OPCML: variants seen among roughly 807,000 people sequenced by gnomAD.
OPCML encodes the protein opioid binding protein/cell adhesion molecule like.
In OPCML, 13 loss-of-function variants were observed where a neutral mutation model predicts 37.8. That is an observed-to-expected ratio of 0.34 (90% CI 0.22 to 0.55). The LOEUF is 0.55. Among genes scored for constraint, OPCML ranks in the 20% least tolerant of loss-of-function variants. OPCML has a pLI of 0.91. For missense variants in OPCML, 341 were observed against 435.6 expected (o/e 0.78, Z 1.93); for synonymous variants, 176 against 168.8 (o/e 1.04, Z -0.33).
intron 2 of OPCML, among the ~76,000 whole-genome samples, chr11:132,729,570 G>A (rs1300249798): frequency 1.3e-5 from 2 of 152,140 alleles, no homozygotes; most frequent in Non-Finnish European, 2.9e-5. Flanking sequence ...GCTCATCCAA[G>A]GTTCAGCAGC....
chr11:133,445,912 G>T (rs1331632325), intron 1 of OPCML, among the ~76,000 whole-genome samples: 1 of 151,920 alleles, frequency 6.6e-6, no homozygotes, highest in Admixed American at 6.6e-5. Context: ...AAGGAAGGGG[G>T]GGCTGCCAAG....
intron 1 of OPCML, among the ~76,000 whole-genome samples, chr11:133,501,159 G>T (rs768746918): frequency 6.6e-6 from 1 of 152,142 alleles, no homozygotes; most frequent in Admixed American, 6.5e-5. Flanking sequence ...AGGGATCACC[G>T]CAAACAGAAC....
At chr11:133,285,652 C>T (rs1942275418) in intron 1 of OPCML, among the ~76,000 whole-genome samples, 1 of 152,166 alleles carries the variant, frequency 6.6e-6, no homozygotes, top group Non-Finnish European at 1.5e-5. Flanking sequence ...GACAATGCTG[C>T]TCATTAACAT....
At chr11:132,738,035 C>A (rs954897893) in intron 2 of OPCML, among the ~76,000 whole-genome samples, 4 of 152,148 alleles carry the variant, frequency 2.6e-5, no homozygotes, top group African/African-American at 9.7e-5. Flanking sequence ...ACTTAGCTCT[C>A]CCCCTGTAGG....
chr11:132,977,779 A>G (rs994058291), intron 1 of OPCML, among the ~76,000 whole-genome samples: 102 of 152,242 alleles, frequency 6.7e-4, no homozygotes, highest in African/African-American at 2.3e-3. Context: ...TCCAAAAAGT[A>G]TTTATTAAAA....
At chr11:133,159,593 C>A (rs957587439) in intron 1 of OPCML, among the ~76,000 whole-genome samples, 1 of 152,188 alleles carries the variant, frequency 6.6e-6, no homozygotes, top group South Asian at 2.1e-4. Flanking sequence ...GCAAGTCATG[C>A]GGCCAATCTT....
intron 1 of OPCML, among the ~76,000 whole-genome samples, chr11:133,257,417 G>A (rs1477994515): frequency 6.6e-6 from 1 of 152,146 alleles, no homozygotes; most frequent in East Asian, 1.9e-4. Flanking sequence ...CATAGAACAT[G>A]CCTCCCTAAT....
chr11:133,368,433 A>C (rs574694155), intron 1 of OPCML, among the ~76,000 whole-genome samples: 12 of 152,298 alleles, frequency 7.9e-5, no homozygotes, highest in East Asian at 7.7e-4. Flanking sequence ...CAGTGTACCT[A>C]GCATTATAAT....
At chr11:132,522,836 C>A (rs1000238076) in intron 4 of OPCML, among the ~76,000 whole-genome samples, 2 of 152,204 alleles carry the variant, frequency 1.3e-5, no homozygotes, top group African/African-American at 4.8e-5. Flanking sequence ...GTCAGTGCAT[C>A]TTTTATTTGG....
intron 3 of OPCML, among the ~76,000 whole-genome samples, chr11:132,623,112 G>T (rs910271591): frequency 3.9e-5 from 6 of 152,126 alleles, no homozygotes; most frequent in Non-Finnish European, 8.8e-5. Context: ...AGGTCAAAGG[G>T]GAAAAACACA....
chr11:132,419,254 T>C lies in OPCML; in HGVS notation c.*939A>G, dbSNP rs982641210. 4 of 151,866 alleles carry C rather than the reference T, an allele frequency of 2.6e-5. No individual in the cohort carries two copies. Among genetic ancestry groups the C allele is most frequent in the Admixed American group, 6.6e-5 (1 of 15,260 alleles). The allele number at this position is 151,866 out of a possible 1,614,324, so 9.4% of individuals were successfully genotyped here. ...GTAGTAGGGAGAGAATAGAAAGGAG[T>C]GTTAGACAATTACATTGATAGATTG... On this transcript the variant is annotated 3_prime_UTR_variant, in exon 8 of 8. Transcript: ENST00000524381.
intron 1 of OPCML, among the ~76,000 whole-genome samples, chr11:133,257,643 C>T (rs1941357331): frequency 2.0e-5 from 3 of 152,320 alleles, no homozygotes; most frequent in South Asian, 4.1e-4. Context: ...GTCTAATTCT[C>T]AGTGCCCTCT....
intron 1 of OPCML, among the ~76,000 whole-genome samples, chr11:133,220,599 T>C (rs1184204893): frequency 6.6e-6 from 1 of 152,182 alleles, no homozygotes; most frequent in African/African-American, 2.4e-5. Flanking sequence ...GCAGGCACTT[T>C]CAGCCTGCTT....
chr11:133,224,162 G>A (rs528169433), intron 1 of OPCML, among the ~76,000 whole-genome samples: 2 of 152,178 alleles, frequency 1.3e-5, no homozygotes, highest in South Asian at 4.1e-4. Flanking sequence ...TCAGGAAGGA[G>A]CACTTTGCCA....
intron 3 of OPCML, among the ~76,000 whole-genome samples, chr11:132,649,597 A>T (rs781339398): frequency 5.9e-5 from 9 of 152,092 alleles, no homozygotes; most frequent in Non-Finnish European, 1.2e-4. Context: ...TCTGGACAGT[A>T]ACTTCATTCT....
At chr11:133,182,489 A>T (rs1937880597) in intron 1 of OPCML, among the ~76,000 whole-genome samples, 1 of 152,180 alleles carries the variant, frequency 6.6e-6, no homozygotes. Context: ...ATGACAGGAA[A>T]AAAAGGAAGA....
At chr11:133,486,318 C>A (rs989155152) in intron 1 of OPCML, among the ~76,000 whole-genome samples, 1 of 152,202 alleles carries the variant, frequency 6.6e-6, no homozygotes, top group Non-Finnish European at 1.5e-5. Context: ...CCAAACTCAA[C>A]ATGTCTTTGT....
chr11:133,182,835 G>A (rs1937899463), intron 1 of OPCML, among the ~76,000 whole-genome samples: 1 of 152,136 alleles, frequency 6.6e-6, no homozygotes, highest in Non-Finnish European at 1.5e-5. Context: ...TATGATGGCT[G>A]CTGAGAACCG....
At chr11:132,481,582 A>C (rs960080399) in intron 4 of OPCML, among the ~76,000 whole-genome samples, 6 of 151,368 alleles carry the variant, frequency 4.0e-5, no homozygotes, top group Non-Finnish European at 5.9e-5. Flanking sequence ...ATAGACATCT[A>C]CAGAACTCTC....
Sources: allele counts gnomAD v4.1 joint callset (sites outside exome capture counted in the v4.1 genomes callset), GRCh38; gene constraint gnomAD v4.1.1; transcripts MANE v1.5; gene names NCBI Gene and HGNC (gene_info 2026-07-23, HGNC 2026-07-21).